Variants in EXOC6B observed in about 807,000 individuals in gnomAD.
EXOC6B encodes the protein exocyst complex component 6B.
A neutral mutation model predicts 113.5 loss-of-function variants in EXOC6B; 54 were observed. The ratio of observed to expected loss-of-function variants is 0.48; its 90% CI spans 0.38 to 0.60. The LOEUF (loss-of-function observed/expected upper bound fraction) is 0.60. Ranked by LOEUF, EXOC6B falls within the 20% of genes least tolerant of loss-of-function variation. The pLI, the probability that EXOC6B is intolerant of heterozygous loss-of-function variation, is 0.00. For synonymous variants in EXOC6B, 357 were observed against 339.0 expected (o/e 1.05, Z -0.58); for missense variants, 797 against 977.5 (o/e 0.82, Z 2.46).
chr2:72,726,193 T>A (rs1216735474), intron 5 of EXOC6B, among the ~76,000 whole-genome samples: 2 of 152,054 alleles, frequency 1.3e-5, no homozygotes, highest in African/African-American at 4.8e-5. Context: ...ATCTATGGGG[T>A]CAGAAAGTAG....
intron 6 of EXOC6B, among the ~76,000 whole-genome samples, chr2:72,597,445 A>AT (rs1670142151): frequency 6.6e-6 from 1 of 151,948 alleles, no homozygotes; most frequent in African/African-American, 2.4e-5. Flanking sequence ...AGAAAGTATA[A>AT]TTATATGCTG....
intron 1 of EXOC6B, among the ~76,000 whole-genome samples, chr2:72,807,930 A>T (rs994423849): frequency 7.9e-5 from 12 of 152,228 alleles, no homozygotes; most frequent in African/African-American, 2.7e-4. Context: ...TTAACTGTAC[A>T]TTTTTAAAAC....
intron 6 of EXOC6B, among the ~76,000 whole-genome samples, chr2:72,653,410 G>A (rs1244508108): frequency 9.8e-6 from 1 of 102,246 alleles, no homozygotes; most frequent in Non-Finnish European, 1.9e-5. Flanking sequence ...CTGTTGTGGG[G>A]TGGGGGGAGG....
chr2:72,232,039 G>A (rs1329285772), intron 20 of EXOC6B, among the ~76,000 whole-genome samples: 2 of 152,058 alleles, frequency 1.3e-5, no homozygotes, highest in Non-Finnish European at 2.9e-5. Flanking sequence ...CAGTGGCACA[G>A]TCTTGGCTCA....
At chr2:72,812,973 G>A (rs921592502) in intron 1 of EXOC6B, among the ~76,000 whole-genome samples, 1 of 151,934 alleles carries the variant, frequency 6.6e-6, no homozygotes, top group Non-Finnish European at 1.5e-5. Context: ...TACAGAGTAG[G>A]AAAAAAATAT....
At chr2:72,555,024 T>C (rs1381260073) in intron 8 of EXOC6B, among the ~76,000 whole-genome samples, 6 of 152,168 alleles carry the variant, frequency 3.9e-5, no homozygotes, top group African/African-American at 1.2e-4. Flanking sequence ...TCTGTCCTTG[T>C]GATAGTTTGC....
chr2:72,809,515 A>C (rs1319648696), intron 1 of EXOC6B, among the ~76,000 whole-genome samples: 3 of 152,208 alleles, frequency 2.0e-5, no homozygotes, highest in Non-Finnish European at 4.4e-5. Context: ...TGATCAACCC[A>C]CCAAGAATGT....
chr2:72,335,548 GCA>G (rs70963124), intron 19 of EXOC6B, among the ~76,000 whole-genome samples: 12,406 of 134,756 alleles, frequency 0.092, 608 homozygotes, highest in Middle Eastern at 0.12. Context: ...CTGCATTATT[GCA>G]CACACACACA....
chr2:72,755,618 GA>G (rs540972423), intron 1 of EXOC6B, among the ~76,000 whole-genome samples: 187 of 152,218 alleles, frequency 1.2e-3, no homozygotes, highest in Non-Finnish European at 2.0e-3. Flanking sequence ...ATGTTAAACA[GA>G]AAAAGAAAGA....
intron 19 of EXOC6B, among the ~76,000 whole-genome samples, chr2:72,340,456 G>GA (rs1266872952): frequency 1.3e-5 from 2 of 152,058 alleles, no homozygotes; most frequent in Admixed American, 6.6e-5. Context: ...AATTTTGGGA[G>GA]AAAAAATAAC....
intron 19 of EXOC6B, among the ~76,000 whole-genome samples, chr2:72,350,886 A>G (rs528837270): frequency 1.7e-4 from 26 of 152,336 alleles, no homozygotes; most frequent in Non-Finnish European, 3.2e-4. Flanking sequence ...GGTATGGAGG[A>G]TAAATCAGCA....
intron 1 of EXOC6B, among the ~76,000 whole-genome samples, chr2:72,753,359 T>C (rs1341523137): frequency 1.3e-5 from 2 of 152,060 alleles, no homozygotes; most frequent in African/African-American, 4.8e-5. Context: ...ACTAGAAATA[T>C]GTACATTAAC....
rs1400711134 is a variant in EXOC6B, at chr2:72,496,488, C to T, written c.1409G>A (p.Gly470Glu). ...TSEEMYKKVV[G>E]QFPFQDIELE... ...TTCTATATCTTGAAATGGGAATTGT[C>T]CTACCACCTTTTTGTACATCTCTTC... The change falls in exon 14 of 22, where the codon GGA (glycine) becomes GAA (glutamate). Residue 470 changes from glycine to glutamate, a missense_variant. Physicochemically the swap from Gly to Glu is moderately conservative, Grantham distance 98 (BLOSUM62 -2). Coordinates refer to ENST00000272427, the MANE Select transcript of EXOC6B (RefSeq NM_015189.3). The T allele has an allele frequency of 6.2e-7, 1 of 1,601,152 alleles. No homozygotes were observed. Among genetic ancestry groups the T allele is most frequent in the Admixed American group, 1.7e-5 (1 of 58,790 alleles).
intron 8 of EXOC6B, among the ~76,000 whole-genome samples, chr2:72,540,434 A>G (rs1368256857): frequency 6.6e-6 from 1 of 152,176 alleles, no homozygotes; most frequent in Non-Finnish European, 1.5e-5. Flanking sequence ...TTTGCTCCAT[A>G]CAAATCATTT....
At chr2:72,202,500 C>A (rs1679550766) in intron 20 of EXOC6B, among the ~76,000 whole-genome samples, 1 of 152,208 alleles carries the variant, frequency 6.6e-6, no homozygotes, top group African/African-American at 2.4e-5. Flanking sequence ...GACAGGTATT[C>A]TCCAGATTAG....
At chr2:72,810,442 A>C (rs1160457812) in intron 1 of EXOC6B, among the ~76,000 whole-genome samples, 1 of 151,882 alleles carries the variant, frequency 6.6e-6, no homozygotes, top group Non-Finnish European at 1.5e-5. Flanking sequence ...GATGGGATAC[A>C]GGTAAAGCAA....
intron 20 of EXOC6B, among the ~76,000 whole-genome samples, chr2:72,214,678 T>C (rs1680406960): frequency 6.6e-6 from 1 of 152,156 alleles, no homozygotes; most frequent in East Asian, 1.9e-4. Flanking sequence ...GAATCAGGTA[T>C]GTGAGGAGAT....
chr2:72,391,632 C>T (rs1331696299), intron 18 of EXOC6B, among the ~76,000 whole-genome samples: 3 of 152,140 alleles, frequency 2.0e-5, no homozygotes, highest in East Asian at 3.8e-4. Context: ...TTAAGTACTG[C>T]TTTGTATCAT....
chr2:72,202,835 C>A (rs1221095471), intron 20 of EXOC6B, among the ~76,000 whole-genome samples: 1 of 152,144 alleles, frequency 6.6e-6, no homozygotes, highest in African/African-American at 2.4e-5. Context: ...TTTCCCACCT[C>A]CTGTCCCCTT....
Sources: allele counts gnomAD v4.1 joint callset (sites outside exome capture counted in the v4.1 genomes callset), GRCh38; gene constraint gnomAD v4.1.1; transcripts MANE v1.5; gene names NCBI Gene and HGNC (gene_info 2026-07-23, HGNC 2026-07-21).